The following RB1CC1 variants were observed in gnomAD, a reference collection of about 807,000 sequenced individuals.
The protein encoded by RB1CC1 is RB1-inducible coiled-coil protein 1.
RB1CC1 carries 46 observed loss-of-function variants against 177.5 expected under a neutral mutation model. The ratio of observed to expected loss-of-function variants is 0.26; its 90% CI spans 0.20 to 0.33. The LOEUF is 0.33. Ranked by LOEUF, RB1CC1 falls within the 10% of genes least tolerant of loss-of-function variation. The pLI is 1.00. For missense variants in RB1CC1, 1,703 were observed against 1,816.3 expected (o/e 0.94, Z 1.13); for synonymous variants, 666 against 613.6 (o/e 1.09, Z -1.26).
At chr8:52,702,665 G>A (rs1269407566) in intron 1 of RB1CC1, among the ~76,000 whole-genome samples, 2 of 152,042 alleles carry the variant, frequency 1.3e-5, no homozygotes, top group East Asian at 1.9e-4. Flanking sequence ...GCAGTGAGCC[G>A]AGAGCATGCC....
At chr8:52,707,280 G>A (rs1328318111) in intron 1 of RB1CC1, among the ~76,000 whole-genome samples, 1 of 152,006 alleles carries the variant, frequency 6.6e-6, no homozygotes, top group Admixed American at 6.6e-5. Flanking sequence ...ATTTCCAGCT[G>A]GAAATCCTAC....
In RB1CC1 at chr8:52,674,048, G is replaced by C; in HGVS notation, c.799C>G (p.Pro267Ala). The C allele has an allele frequency of 1.2e-6, 2 of 1,614,130 alleles. No individual in the cohort carries two copies. The highest frequency in any genetic ancestry group is 2.2e-5 in the South Asian group (2 of 91,082). Residue 267 changes from proline (P) to alanine (A), a missense_variant, in exon 7 of 24, where the codon CCA becomes GCA. Physicochemically the swap from Pro to Ala is conservative, Grantham distance 27 (BLOSUM62 -1). This residue lies in a region of RB1CC1 where 315 missense variants were observed against 304.9 expected (regional missense o/e 1.03). Coordinates refer to ENST00000025008, the MANE Select transcript of RB1CC1 (RefSeq NM_014781.5). ...SFPKSVEHVS[P>A]DTADAESGKE... ...CCACTTTCAGCATCTGCGGTATCTG[G>C]GGACACATGTTCCACTGACTTGGGA...
At position 52,660,578 on chromosome 8, in the gene RB1CC1, T is replaced by G. The variant is rs1405636768; in HGVS notation, c.1689+18A>C. The G allele has an allele frequency of 4.5e-6, 7 of 1,569,376 alleles. No individual in the cohort carries two copies. The highest frequency in any genetic ancestry group is 5.2e-6 in the Non-Finnish European group (6 of 1,160,146). On this transcript the variant is annotated intron_variant, in intron 12 of 23. Transcript: ENST00000025008. ...AAAACATATGGAATTTAGTCATGGT[T>G]AGAAAATAAATACATACACAAAAGG...
chr8:52,681,571 G>A (rs969889919), intron 5 of RB1CC1, among the ~76,000 whole-genome samples: 1 of 152,102 alleles, frequency 6.6e-6, no homozygotes, highest in African/African-American at 2.4e-5. Context: ...TTTGGTTATA[G>A]CAGCTTTAGA....
chr8:52,644,558 T>A (rs1207392766), intron 16 of RB1CC1, among the ~76,000 whole-genome samples: 1 of 152,174 alleles, frequency 6.6e-6, no homozygotes, highest in East Asian at 1.9e-4. Flanking sequence ...CTCCTCATTG[T>A]TAATTCTTAC....
chr8:52,708,622 C>A (rs1856795011), intron 1 of RB1CC1, among the ~76,000 whole-genome samples: 1 of 152,154 alleles, frequency 6.6e-6, no homozygotes, highest in Admixed American at 6.5e-5. Flanking sequence ...TTTCTCCTTT[C>A]TCTGAATTTA....
rs748562920 is a variant in RB1CC1, at chr8:52,683,540, A to G, written c.369+9T>C. 7.0e-6 allele frequency: 11 copies of G among 1,565,728 alleles called. No homozygotes were observed. The highest frequency in any genetic ancestry group is 8.6e-6 in the Non-Finnish European group (10 of 1,158,042). On this transcript the variant is annotated intron_variant, in intron 5 of 23. Transcript: ENST00000025008. ...AAACAATCAGTTAAAATAATTGTTTATATCTTACCAATGCAAGCTGTGTCC... is the reference window on the plus strand; with the variant it reads ...AAACAATCAGTTAAAATAATTGTTTGTATCTTACCAATGCAAGCTGTGTCC...
chr8:52,704,944 T>G (rs113093063), intron 1 of RB1CC1, among the ~76,000 whole-genome samples: 26 of 152,308 alleles, frequency 1.7e-4, no homozygotes, highest in East Asian at 7.7e-4. Context: ...ACTATACAAG[T>G]TAACACAAGC....
In RB1CC1 at chr8:52,642,463, G is replaced by C. The variant is rs768248386; in HGVS notation, c.4225C>G (p.Leu1409Val). The change falls in exon 18 of 24, where the codon CTT becomes GTT. Residue 1409 changes from leucine (L) to valine (V), a missense_variant. Around this residue, in one of 6 missense-constraint regions of RB1CC1, gnomAD observed 1,169 missense variants for 1,184.7 expected, o/e 0.99. Transcript: ENST00000025008. Reference sequence around the variant, plus strand: ...AGTTCAGGTGCACAAGCTCCATAAAGTTCTGGGGCTGTAGCTACATATGGT... The same window carrying C: ...AGTTCAGGTGCACAAGCTCCATAAACTTCTGGGGCTGTAGCTACATATGGT... ...PSPYVATAPELYGACAPELPG... is the reference protein window; with the variant it reads ...PSPYVATAPEVYGACAPELPG... 7 of 1,613,948 alleles carry C rather than the reference G, an allele frequency of 4.3e-6. No individual in the cohort carries two copies. Among genetic ancestry groups the C allele is most frequent in the Non-Finnish European group, 5.1e-6 (6 of 1,179,998 alleles).
Position 52,656,988 on chromosome 8 carries a change from T to C in RB1CC1, c.2841A>G (p.Glu947=). 1 of 1,613,776 alleles carries C rather than the reference T, an allele frequency of 6.2e-7. No individual in the cohort carries two copies. Among genetic ancestry groups the C allele is most frequent in the African/African-American group, 1.3e-5 (1 of 75,050 alleles). ...MENIMHSQNC[E]IKELKQSREI... ...CTCGTGACTGCTTCAGTTCTTTAAT[T>C]TCACAATTTTGAGAGTGCATTATAT... The change falls in exon 15 of 24, where the codon GAA becomes GAG. Residue 947 remains glutamate (E), a synonymous_variant. Coordinates refer to ENST00000025008, the MANE Select transcript of RB1CC1 (RefSeq NM_014781.5).
Position 52,623,836 on chromosome 8 carries a change from AG to A in RB1CC1, c.4730del (p.Pro1577LeufsTer9), listed in dbSNP as rs756541985. ...AKKAQNRFKVPLGTKFYRVKA... is the reference protein window; with the variant it reads ...AKKAQNRFKVXLGTKFYRVKA... ...TCACTCTGTAAAACTTTGTCCCCAA[AG>A]GAACTTTAAATCTGTTTTGTGCCTA... On this transcript the variant is annotated frameshift_variant, in exon 24 of 24. Transcript: ENST00000025008. LOFTEE classifies it high-confidence loss of function. 6.2e-7 allele frequency: 1 copy of A among 1,609,392 alleles called. No homozygotes were observed. Among genetic ancestry groups the A allele is most frequent in the Non-Finnish European group, 8.5e-7 (1 of 1,176,084 alleles).
intron 18 of RB1CC1, 54 bp from the exon 19 acceptor site, chr8:52,636,123 C>T (rs1849125366): frequency 2.5e-5 from 39 of 1,540,386 alleles, no homozygotes; most frequent in Non-Finnish European, 3.3e-5. Flanking sequence ...TTACATTCTT[C>T]AAGATTTTAG....
chr8:52,674,297 A>G (rs772451280), intron 6 of RB1CC1, 23 bp from the exon 7 acceptor site: 2 of 1,547,812 alleles, frequency 1.3e-6, no homozygotes, highest in Non-Finnish European at 1.8e-6. Flanking sequence ...AAGATCTGTC[A>G]GTAAAACTAT....
At chr8:52,651,238 A>G (rs1006427492) in intron 15 of RB1CC1, among the ~76,000 whole-genome samples, 1 of 152,236 alleles carries the variant, frequency 6.6e-6, no homozygotes, top group Admixed American at 6.5e-5. Flanking sequence ...GACTGCCTGG[A>G]AAGTAGACTT....
intron 8 of RB1CC1, among the ~76,000 whole-genome samples, chr8:52,663,919 G>T (rs1480837711): frequency 6.6e-6 from 1 of 152,148 alleles, no homozygotes; most frequent in Non-Finnish European, 1.5e-5. Flanking sequence ...CCTCCTTGGA[G>T]CTTATATTCT....
chr8:52,713,780 G>A (rs1857262333), intron 1 of RB1CC1, among the ~76,000 whole-genome samples: 1 of 152,216 alleles, frequency 6.6e-6, no homozygotes, highest in Non-Finnish European at 1.5e-5. Flanking sequence ...TCCGGCCGAG[G>A]AAGCCGCAGG....
At chr8:52,663,077 A>G (rs887175736) in intron 8 of RB1CC1, among the ~76,000 whole-genome samples, 3 of 152,268 alleles carry the variant, frequency 2.0e-5, no homozygotes, top group Admixed American at 6.5e-5. Flanking sequence ...CATACTCAAT[A>G]TAATTCAGAC....
intron 6 of RB1CC1, 96 bp from the exon 7 acceptor site, chr8:52,674,370 T>C: frequency 9.9e-7 from 1 of 1,014,688 alleles, no homozygotes; most frequent in South Asian, 1.5e-5. Flanking sequence ...TACACACAAA[T>C]CTCACCACCT....
intron 16 of RB1CC1, 150 bp from the exon 17 acceptor site, chr8:52,642,962 T>A: frequency 1.1e-6 from 1 of 899,874 alleles, no homozygotes; most frequent in Non-Finnish European, 1.5e-6. Context: ...AATGAAAATG[T>A]AACATACTGT....
Sources: gnomAD v4.1 joint callset for allele counts (sites outside exome capture counted in the v4.1 genomes callset) on GRCh38, gnomAD v4.1.1 for gene constraint, gnomAD v4.1.1 regional missense constraint, MANE v1.5 for transcripts, NCBI Gene and HGNC (gene_info 2026-07-23, HGNC 2026-07-21) for gene names.